Variants in QTMAN observed in about 807,000 individuals in gnomAD.
The protein encoded by QTMAN is queuosine-tRNA mannosyltransferase.
chr2:144,150,504 A>G, the QTMAN span, among the ~76,000 whole-genome samples: 1 of 152,118 alleles, frequency 6.6e-6, no homozygotes, highest in Non-Finnish European at 1.5e-5. Flanking sequence ...ATTTGATTAA[A>G]TTTAAATTTA....
At chr2:144,254,449 A>G in the QTMAN span, among the ~76,000 whole-genome samples, 1 of 152,088 alleles carries the variant, frequency 6.6e-6, no homozygotes, top group Non-Finnish European at 1.5e-5. Context: ...AAAATACAAA[A>G]AGGAATTAAG....
the QTMAN span, among the ~76,000 whole-genome samples, chr2:144,319,013 C>T: frequency 6.6e-6 from 1 of 152,142 alleles, no homozygotes; most frequent in Non-Finnish European, 1.5e-5. Flanking sequence ...GTTCCAATTT[C>T]TTCTGATTCA....
the QTMAN span, among the ~76,000 whole-genome samples, chr2:144,196,924 T>A: frequency 1.3e-5 from 2 of 152,188 alleles, no homozygotes; most frequent in Admixed American, 1.3e-4. Context: ...AAATAATGGA[T>A]CACTTATTGA....
chr2:144,163,866 T>A, the QTMAN span, among the ~76,000 whole-genome samples: 1 of 152,198 alleles, frequency 6.6e-6, no homozygotes, highest in Non-Finnish European at 1.5e-5. Flanking sequence ...TACCATGGAT[T>A]CTAAGGGAAG....
the QTMAN span, among the ~76,000 whole-genome samples, chr2:144,140,418 TAAA>T: frequency 9.2e-5 from 14 of 152,112 alleles, no homozygotes; most frequent in East Asian, 2.5e-3. Context: ...TATGTGATAT[TAAA>T]AAAACTTAAA....
the QTMAN span, among the ~76,000 whole-genome samples, chr2:144,236,814 C>A: frequency 6.6e-6 from 1 of 151,682 alleles, no homozygotes; most frequent in Non-Finnish European, 1.5e-5. Flanking sequence ...GAGAACCTTC[C>A]AGGTACCAAC....
At chr2:144,196,062 T>C in the QTMAN span, among the ~76,000 whole-genome samples, 236 of 152,186 alleles carry the variant, frequency 1.6e-3, no homozygotes, top group Non-Finnish European at 2.8e-3. Context: ...AGTTCATTTT[T>C]TCTGTTTTAA....
At chr2:144,031,396 G>C in the QTMAN span, among the ~76,000 whole-genome samples, 1 of 152,076 alleles carries the variant, frequency 6.6e-6, no homozygotes, top group East Asian at 1.9e-4. Flanking sequence ...ATAGTGCTAA[G>C]AGTTGCTCTT....
At chr2:143,973,958 G>C in the QTMAN span, among the ~76,000 whole-genome samples, 1 of 152,128 alleles carries the variant, frequency 6.6e-6, no homozygotes, top group Admixed American at 6.5e-5. Context: ...ATCATCCATA[G>C]ATTTTACCCC....
the QTMAN span, among the ~76,000 whole-genome samples, chr2:144,136,395 A>AAAAGGAAAAGGAAAGG: frequency 8.1e-4 from 79 of 97,448 alleles, no homozygotes; most frequent in African/African-American, 2.3e-3. Context: ...AAGGAAAAGG[A>AAAAGGAAAAGGAAAGG]AAAGGAAAGG....
chr2:144,222,634 G>A, the QTMAN span, among the ~76,000 whole-genome samples: 5 of 151,566 alleles, frequency 3.3e-5, no homozygotes, highest in Non-Finnish European at 4.4e-5. Flanking sequence ...GTGAAATCCC[G>A]TCCCTACTAA....
At chr2:143,962,447 G>A in the QTMAN span, among the ~76,000 whole-genome samples, 2 of 152,062 alleles carry the variant, frequency 1.3e-5, no homozygotes, top group South Asian at 2.1e-4. Flanking sequence ...AACCTCCCCC[G>A]CTATAAAGGA....
At chr2:144,072,054 C>CT in the QTMAN span, among the ~76,000 whole-genome samples, 1 of 152,134 alleles carries the variant, frequency 6.6e-6, no homozygotes, top group Admixed American at 6.5e-5. Context: ...TTTCTACAAC[C>CT]TTTTTAGTAT....
chr2:144,089,308 G>A, the QTMAN span, among the ~76,000 whole-genome samples: 1 of 151,924 alleles, frequency 6.6e-6, no homozygotes, highest in Non-Finnish European at 1.5e-5. Context: ...AAGTTGGCAA[G>A]GAAGCAGAGA....
the QTMAN span, chr2:144,007,407 T>C: frequency 1.2e-6 from 2 of 1,613,376 alleles, no homozygotes; most frequent in South Asian, 2.2e-5. Flanking sequence ...TGAATTAAAA[T>C]TCTTCAATAA....
the QTMAN span, among the ~76,000 whole-genome samples, chr2:144,045,782 A>AG: frequency 6.6e-6 from 1 of 152,260 alleles, no homozygotes; most frequent in African/African-American, 2.4e-5. Context: ...CTAAGTGTGC[A>AG]GGAAGAGAGA....
At chr2:144,185,722 A>G in the QTMAN span, among the ~76,000 whole-genome samples, 1 of 152,208 alleles carries the variant, frequency 6.6e-6, no homozygotes, top group East Asian at 1.9e-4. Context: ...TTCCAAGCCA[A>G]GGAAGGCAAT....
chr2:144,088,227 C>CA, the QTMAN span, among the ~76,000 whole-genome samples: 2 of 151,562 alleles, frequency 1.3e-5, no homozygotes, highest in African/African-American at 4.8e-5. Context: ...AACAAACAAA[C>CA]AAAAAACCCT....
chr2:144,110,550 A>T, the QTMAN span, among the ~76,000 whole-genome samples: 11 of 152,054 alleles, frequency 7.2e-5, no homozygotes, highest in African/African-American at 2.2e-4. Context: ...TAAAAAATAA[A>T]AAATAAATAA....
Sources: allele counts gnomAD v4.1 joint callset (sites outside exome capture counted in the v4.1 genomes callset), GRCh38; gene constraint gnomAD v4.1.1; transcripts MANE v1.5; gene names NCBI Gene and HGNC (gene_info 2026-07-23, HGNC 2026-07-21).